Variants in ZEB1 observed in about 807,000 individuals in gnomAD.
ZEB1 encodes the protein zinc finger E-box binding homeobox 1, also known as zinc finger E-box-binding homeobox 1.
Under a neutral mutation model 84.9 loss-of-function variants are expected in ZEB1, and 21 were observed. The ratio of observed to expected loss-of-function variants is 0.25; its 90% confidence interval spans 0.18 to 0.36. The LOEUF is 0.36. ZEB1 is among the 10% of genes least tolerant of loss of function. The probability of loss-of-function intolerance (pLI) is 1.00; values close to 1 mark genes in which losing one functional copy is unlikely to be tolerated. For missense variants in ZEB1, 1,104 were observed against 1,330.2 expected, an observed-to-expected ratio of 0.83 and a Z score of 2.65; for synonymous variants, 420 against 471.1, an observed-to-expected ratio of 0.89 and a Z score of 1.41.
At chr10:31,321,162 C>T in intron 1 of ZEB1, 3 of 1,064,700 alleles carry the variant, frequency 2.8e-6, no homozygotes, top group East Asian at 7.6e-5. Flanking sequence ...GGATGCGAAA[C>T]GCGAGGTTTT....
chr10:31,496,167 G>C (rs531142895), intron 3 of ZEB1, among the ~76,000 whole-genome samples: 25 of 151,976 alleles, frequency 1.6e-4, no homozygotes, highest in Admixed American at 9.2e-4. Flanking sequence ...GAGAAATGCA[G>C]ATCTAACTTT....
At chr10:31,510,944 G>A (rs1178226746) in intron 5 of ZEB1, 69 bp downstream of exon 5, 11 of 1,425,892 alleles carry the variant, frequency 7.7e-6, no homozygotes, top group Non-Finnish European at 9.8e-6. Flanking sequence ...TGGAAGGCAA[G>A]GATTTTAATA....
chr10:31,434,172 G>A (rs1054901277), intron 1 of ZEB1, among the ~76,000 whole-genome samples: 5 of 152,114 alleles, frequency 3.3e-5, no homozygotes, highest in African/African-American at 1.2e-4. Context: ...TTTTGTTGTT[G>A]ATAAGTGGGC....
chr10:31,338,403 G>A (rs185399695), intron 1 of ZEB1, among the ~76,000 whole-genome samples: 3 of 152,166 alleles, frequency 2.0e-5, no homozygotes, highest in African/African-American at 7.2e-5. Context: ...GTTGGGTAAG[G>A]TCACTTAGCT....
At chr10:31,414,343 C>G (rs1245893696) in intron 1 of ZEB1, among the ~76,000 whole-genome samples, 1 of 151,900 alleles carries the variant, frequency 6.6e-6, no homozygotes, top group Non-Finnish European at 1.5e-5. Flanking sequence ...TGGTGTTTGC[C>G]AAAATTTTTG....
chr10:31,387,304 G>GT (rs2048800624), intron 1 of ZEB1: 1 of 985,526 alleles, frequency 1.0e-6, no homozygotes, highest in Non-Finnish European at 1.2e-6. Context: ...CGTGGGCCCA[G>GT]GCTCCTAACC....
At chr10:31,398,288 T>C (rs2051205296) in intron 1 of ZEB1, among the ~76,000 whole-genome samples, 1 of 152,170 alleles carries the variant, frequency 6.6e-6, no homozygotes, top group African/African-American at 2.4e-5. Flanking sequence ...TTTATACTTA[T>C]TTTTAGAACC....
intron 1 of ZEB1, chr10:31,363,790 G>C (rs1463701288): frequency 9.8e-6 from 13 of 1,320,558 alleles, no homozygotes; most frequent in Non-Finnish European, 1.4e-5. Context: ...CCTCTGTGGG[G>C]TGCCCGTGTT....
intron 1 of ZEB1, among the ~76,000 whole-genome samples, chr10:31,454,290 C>T (rs2060935684): frequency 6.6e-6 from 1 of 152,126 alleles, no homozygotes; most frequent in African/African-American, 2.4e-5. Context: ...TTATGACAAA[C>T]CCACAGCCAA....
rs745332479 is a variant in ZEB1, at chr10:31,521,296, T to C, written c.1964T>C (p.Ile655Thr). ...PSSPEPGKVN[I>T]PAKNNDQPQS... The stretch of plus-strand genomic sequence containing the variant: ...TCTCCTGAACCAGGCAAAGTAAATA[T>C]CCCTGCCAAGAACAATGATCAGCCT... The change falls in exon 7 of 9, where the codon ATC (isoleucine) becomes ACC (threonine). Residue 655 changes from isoleucine (I) to threonine (T), a missense_variant. This residue lies in a region of ZEB1 where 531 missense variants were observed against 575.2 expected (regional missense o/e 0.92). Coordinates refer to ENST00000424869, the MANE Select transcript of ZEB1 (RefSeq NM_001174096.2). The C allele has an allele frequency of 3.1e-6, 5 of 1,613,820 alleles. No homozygotes were observed. In the African/African-American group the frequency reaches 6.7e-5, roughly 22 times the overall value.
At chr10:31,448,837 A>T (rs1378519034) in intron 1 of ZEB1, among the ~76,000 whole-genome samples, 1 of 152,082 alleles carries the variant, frequency 6.6e-6, no homozygotes, top group African/African-American at 2.4e-5. Context: ...AGGGACATTT[A>T]AGTCTGCAGA....
intron 1 of ZEB1, among the ~76,000 whole-genome samples, chr10:31,331,689 G>T (rs557818472): frequency 3.7e-4 from 56 of 152,238 alleles, no homozygotes; most frequent in South Asian, 1.5e-3. Context: ...ATGTGTGTGG[G>T]TTATCCTAGT....
At chr10:31,446,677 A>T (rs1049457927) in intron 1 of ZEB1, among the ~76,000 whole-genome samples, 2 of 152,122 alleles carry the variant, frequency 1.3e-5, no homozygotes, top group African/African-American at 4.8e-5. Context: ...GGTACCCAGT[A>T]GTCATTCAGG....
At chr10:31,373,614 T>C (rs1265449701) in intron 1 of ZEB1, among the ~76,000 whole-genome samples, 1 of 151,896 alleles carries the variant, frequency 6.6e-6, no homozygotes, top group Non-Finnish European at 1.5e-5. Flanking sequence ...GGTTTTTTAC[T>C]TTCATTATAA....
chr10:31,459,837 G>C (rs2137400869), intron 1 of ZEB1, among the ~76,000 whole-genome samples: 2 of 72,964 alleles, frequency 2.7e-5, no homozygotes, highest in East Asian at 7.4e-4. Flanking sequence ...AGGAGTGTGT[G>C]TGTGTGTGTG....
chr10:31,449,501 T>G (rs1450290722), intron 1 of ZEB1, among the ~76,000 whole-genome samples: 3 of 152,232 alleles, frequency 2.0e-5, no homozygotes, highest in African/African-American at 7.2e-5. Context: ...AGTCTTTGAT[T>G]TCGTGTGGGT....
At chr10:31,436,000 A>T (rs1355850719) in intron 1 of ZEB1, among the ~76,000 whole-genome samples, 1 of 152,156 alleles carries the variant, frequency 6.6e-6, no homozygotes, top group Non-Finnish European at 1.5e-5. Context: ...TTGCCCCTAG[A>T]GAAGAGGAAG....
intron 2 of ZEB1, among the ~76,000 whole-genome samples, chr10:31,462,530 G>T (rs1422739609): frequency 1.3e-5 from 2 of 152,158 alleles, no homozygotes; most frequent in Non-Finnish European, 2.9e-5. Flanking sequence ...AAACAGAGTG[G>T]TCTTTAGTTC....
chr10:31,349,100 A>G (rs2040847798), intron 1 of ZEB1, among the ~76,000 whole-genome samples: 1 of 152,148 alleles, frequency 6.6e-6, no homozygotes, highest in Admixed American at 6.5e-5. Flanking sequence ...GCCTCTGGTT[A>G]CCACCATTCT....
Sources: gnomAD v4.1 joint callset for allele counts (sites outside exome capture counted in the v4.1 genomes callset) on GRCh38, gnomAD v4.1.1 for gene constraint, gnomAD v4.1.1 regional missense constraint, MANE v1.5 for transcripts, NCBI Gene and HGNC (gene_info 2026-07-23, HGNC 2026-07-21) for gene names.